Variants in INTU observed in about 807,000 individuals in gnomAD.
The protein encoded by INTU is protein inturned.
INTU carries 68 observed loss-of-function variants against 100.5 expected under a neutral mutation model. The ratio of observed to expected loss-of-function variants is 0.68; its 90% CI spans 0.56 to 0.83. The LOEUF (loss-of-function observed/expected upper bound fraction) is 0.83. Among genes scored for constraint, INTU ranks in the 40% least tolerant of loss-of-function variants. The pLI, the probability that INTU is intolerant of heterozygous loss-of-function variation, is 0.00. For missense variants in INTU, 1,071 were observed against 1,114.7 expected, an observed-to-expected ratio of 0.96 and a Z score of 0.56; for synonymous variants, 357 against 395.7, an observed-to-expected ratio of 0.90 and a Z score of 1.16.
In INTU at chr4:127,710,990, C is replaced by T; in HGVS notation, c.2447C>T (p.Thr816Ile). ...ETVQGIFITP[T>I]LEEVAQLSGS... ...GTGCAAGGAATCTTTATTACTCCTA[C>T]CCTTGAAGAGGTGGCACAGCTAAGT... Residue 816 changes from threonine to isoleucine, a missense_variant, in exon 14 of 16, where the codon ACC becomes ATC. Physicochemically the swap from Thr to Ile is moderately conservative, Grantham distance 89. Transcript: ENST00000335251. 1.2e-6 allele frequency: 2 copies of T among 1,606,650 alleles called. No individual in the cohort carries two copies. Among genetic ancestry groups the T allele is most frequent in the Middle Eastern group, 1.7e-4 (1 of 6,014 alleles).
intron 2 of INTU, among the ~76,000 whole-genome samples, chr4:127,652,266 A>G (rs2126187418): frequency 6.9e-6 from 1 of 145,862 alleles, no homozygotes; most frequent in South Asian, 2.2e-4. Flanking sequence ...GTTGAATAGG[A>G]GTGGTGAGAG....
intron 8 of INTU, among the ~76,000 whole-genome samples, chr4:127,692,004 G>A (rs572570802): frequency 1.2e-4 from 11 of 90,594 alleles, no homozygotes; most frequent in East Asian, 5.5e-4. Context: ...TTATCCACTC[G>A]TTGATTAATG....
In INTU at chr4:127,706,592, CTT is replaced by C; in HGVS notation, c.1895_1896del (p.Leu632ProfsTer12). The C allele has an allele frequency of 6.2e-7, 1 of 1,614,070 alleles. No homozygotes were observed. The highest frequency in any genetic ancestry group is 8.5e-7 in the Non-Finnish European group (1 of 1,179,964). ...ATATGTGGATCAAGTCAAAACAACT[CTT>C]CACCAGCTGGATGGAGTAGATTCTC... ...CVYVDQVKTT[L>X]HQLDGVDSRI... On this transcript the variant is annotated frameshift_variant, in exon 12 of 16. Transcript: ENST00000335251. LOFTEE classifies it high-confidence loss of function.
intron 7 of INTU, chr4:127,687,185 T>C (rs1390472771): frequency 6.6e-6 from 1 of 152,312 alleles, no homozygotes; most frequent in Non-Finnish European, 1.5e-5. Context: ...ACCCTGTTTT[T>C]ACAGAGTTGG....
intron 7 of INTU, chr4:127,686,740 C>A (rs1375583708): frequency 3.9e-5 from 6 of 152,128 alleles, no homozygotes; most frequent in Non-Finnish European, 8.8e-5. Flanking sequence ...TGTTCATTTG[C>A]TGTCTTTCTC....
intron 1 of INTU, among the ~76,000 whole-genome samples, chr4:127,638,723 A>G (rs1389997684): frequency 6.6e-6 from 1 of 152,184 alleles, no homozygotes; most frequent in South Asian, 2.1e-4. Flanking sequence ...CACATCATTT[A>G]GGGCCTTGAA....
intron 13 of INTU, among the ~76,000 whole-genome samples, chr4:127,710,558 G>A (rs1032258778): frequency 2.0e-5 from 3 of 152,002 alleles, no homozygotes; most frequent in Non-Finnish European, 2.9e-5. Flanking sequence ...TAGCTATCTG[G>A]GCCAGACACG....
intron 2 of INTU, among the ~76,000 whole-genome samples, chr4:127,654,750 C>G (rs1212825024): frequency 6.8e-6 from 1 of 146,842 alleles, no homozygotes; most frequent in Non-Finnish European, 1.5e-5. Context: ...TCTGTATTTC[C>G]TGAATCTGAA....
intron 4 of INTU, among the ~76,000 whole-genome samples, chr4:127,667,256 T>C (rs979545052): frequency 6.6e-6 from 1 of 152,182 alleles, no homozygotes; most frequent in African/African-American, 2.4e-5. Flanking sequence ...GCCAGCCCTG[T>C]ATCAACATTG....
chr4:127,695,063 C>A (rs1347794187), intron 8 of INTU, among the ~76,000 whole-genome samples: 1 of 152,114 alleles, frequency 6.6e-6, no homozygotes, highest in Non-Finnish European at 1.5e-5. Flanking sequence ...ATATATAGAT[C>A]AAGTTATGAA....
chr4:127,687,736 C>G lies in INTU; in HGVS notation c.1318C>G (p.Gln440Glu), dbSNP rs781734332. 1.9e-6 allele frequency: 3 copies of G among 1,613,204 alleles called. No homozygotes were observed. The East Asian group carries it at 6.7e-5, about 36-fold the overall frequency. The stretch of plus-strand genomic sequence containing the variant: ...GGATCATTTTTTTAACTTGTTCTTT[C>G]AAAGAGCACTTCAGCCTGCGAAACT... The part of the protein sequence containing the change: ...RLDHFFNLFF[Q>E]RALQPAKLHS... Residue 440 changes from glutamine to glutamate, a missense_variant, in exon 8 of 16, where the codon CAA becomes GAA. Gln to Glu is a conservative substitution (Grantham distance 29, BLOSUM62 2). Transcript: ENST00000335251.
intron 5 of INTU, among the ~76,000 whole-genome samples, chr4:127,669,426 T>C (rs1252989207): frequency 6.6e-6 from 1 of 150,974 alleles, no homozygotes; most frequent in African/African-American, 2.4e-5. Context: ...CAGCTGTAGA[T>C]CTGGGTGTTT....
At chr4:127,710,834 A>C (rs1731065494) in intron 13 of INTU, 79 bp from the exon 14 acceptor site, 1 of 821,556 alleles carries the variant, frequency 1.2e-6, no homozygotes, top group African/African-American at 1.7e-5. Flanking sequence ...TAAGAAGTCT[A>C]CTAAATTCAA....
intron 2 of INTU, among the ~76,000 whole-genome samples, chr4:127,647,288 C>T (rs1452477469): frequency 4.6e-5 from 7 of 152,114 alleles, no homozygotes; most frequent in Admixed American, 4.6e-4. Context: ...TAAAATGGGT[C>T]TTCTTGTATG....
chr4:127,684,437 A>G lies in INTU; in HGVS notation c.1210A>G (p.Ile404Val), dbSNP rs751050106. 1 of 1,602,654 alleles carries G rather than the reference A, an allele frequency of 6.2e-7. No individual in the cohort carries two copies. The highest frequency in any genetic ancestry group is 8.5e-7 in the Non-Finnish European group (1 of 1,173,878). ...TCCTCTTCCTCGTCTAAGGAACATG[A>G]TAGAAAATGTCATCCAAACCTTAAA... ...EVPLPRLRNMIENVIQTLKFM... is the reference protein window; with the variant it reads ...EVPLPRLRNMVENVIQTLKFM... Residue 404 changes from isoleucine (I) to valine (V), a missense_variant, in exon 7 of 16, where the codon ATA (isoleucine) becomes GTA (valine). By Grantham distance (29) the Ile-to-Val change is conservative (BLOSUM62 3). Transcript: ENST00000335251.
chr4:127,680,042 A>G lies in INTU; in HGVS notation c.1182-4367A>G, dbSNP rs1183779346. 3.3e-5 allele frequency among the ~76,000 whole-genome samples: 5 copies of G among 152,116 alleles called. No individual in the cohort carries two copies. In the South Asian group the frequency reaches 6.2e-4, roughly 19 times the overall value. ...ATTCCTTGACACATACACCCTCCCA[A>G]GACTAAACCAGGAAGAAGTTGACTC... On this transcript the variant is annotated intron_variant, in intron 6 of 15. Transcript: ENST00000335251.
In INTU at chr4:127,726,605, T is replaced by G. The variant is rs908326678; in HGVS notation, c.*10169T>G. On this transcript the variant is annotated 3_prime_UTR_variant, in exon 16 of 16. Transcript: ENST00000335251. ...GATATTTTTAAATTGTTAAATGTTATTGAAACTTTATGCACCAAAACTGTA... is the reference window on the plus strand; with the variant it reads ...GATATTTTTAAATTGTTAAATGTTAGTGAAACTTTATGCACCAAAACTGTA... The G allele has an allele frequency of 2.0e-5, 3 of 152,260 alleles. No individual in the cohort carries two copies. Among genetic ancestry groups the G allele is most frequent in the African/African-American group, 7.2e-5 (3 of 41,474 alleles). The allele number at this position is 152,260 out of a possible 1,614,324, so 9.4% of individuals were successfully genotyped here.
intron 6 of INTU, among the ~76,000 whole-genome samples, chr4:127,681,692 G>A (rs1729562837): frequency 6.6e-6 from 1 of 152,070 alleles, no homozygotes; most frequent in Non-Finnish European, 1.5e-5. Flanking sequence ...CATAGGCATG[G>A]GCAAGGACTT....
intron 6 of INTU, among the ~76,000 whole-genome samples, chr4:127,682,614 A>C (rs1409506472): frequency 1.2e-5 from 1 of 86,476 alleles, no homozygotes; most frequent in Middle Eastern, 6.5e-3. Flanking sequence ...GGGAGGGGGG[A>C]GGGATAGCTT....
Sources: allele counts gnomAD v4.1 joint callset (sites outside exome capture counted in the v4.1 genomes callset), GRCh38; gene constraint gnomAD v4.1.1; transcripts MANE v1.5; gene names NCBI Gene and HGNC (gene_info 2026-07-23, HGNC 2026-07-21).